Variants in NTNG1 observed in about 807,000 individuals in gnomAD.
The protein encoded by NTNG1 is netrin G1.
Under a neutral mutation model 54.0 loss-of-function variants are expected in NTNG1, and 16 were observed. The ratio of observed to expected loss-of-function variants is 0.30; its 90% CI spans 0.20 to 0.45. The LOEUF (loss-of-function observed/expected upper bound fraction) is 0.45, where lower values mean the gene tolerates loss of function less well. Among genes scored for constraint, NTNG1 ranks in the 20% least tolerant of loss-of-function variants. NTNG1 has a pLI of 1.00. For synonymous variants in NTNG1, 255 were observed against 263.1 expected, an observed-to-expected ratio of 0.97 and a Z score of 0.30; for missense variants, 530 against 678.7, an observed-to-expected ratio of 0.78 and a Z score of 2.43.
At chr1:107,261,724 T>C (rs938009887) in intron 2 of NTNG1, among the ~76,000 whole-genome samples, 1 of 152,130 alleles carries the variant, frequency 6.6e-6, no homozygotes, top group East Asian at 1.9e-4. Context: ...GTGCCTGTAG[T>C]CCCAGCTACT....
intron 2 of NTNG1, among the ~76,000 whole-genome samples, chr1:107,176,686 A>G (rs914504753): frequency 4.6e-5 from 7 of 152,170 alleles, no homozygotes; most frequent in African/African-American, 1.7e-4. Context: ...ATTTTTTACA[A>G]TCTGTATTTT....
intron 2 of NTNG1, among the ~76,000 whole-genome samples, chr1:107,270,487 G>T (rs1303698555): frequency 1.3e-5 from 2 of 152,120 alleles, no homozygotes; most frequent in Non-Finnish European, 2.9e-5. Flanking sequence ...GAATAATAAG[G>T]TTGTCATGAT....
At chr1:107,149,131 A>G (rs1654365661) in intron 2 of NTNG1, among the ~76,000 whole-genome samples, 1 of 152,184 alleles carries the variant, frequency 6.6e-6, no homozygotes, top group Non-Finnish European at 1.5e-5. Flanking sequence ...AGTTCGATTG[A>G]AAGTTAAATT....
At chr1:107,432,716 A>G (rs536438166) in intron 6 of NTNG1, among the ~76,000 whole-genome samples, 162 of 152,320 alleles carry the variant, frequency 1.1e-3, no homozygotes, top group African/African-American at 3.8e-3. Flanking sequence ...CCATTTTTAC[A>G]TAAGATTAAA....
chr1:107,238,261 T>G (rs755610747), intron 2 of NTNG1, among the ~76,000 whole-genome samples: 23 of 152,190 alleles, frequency 1.5e-4, no homozygotes, highest in Non-Finnish European at 2.4e-4. Context: ...AGCCCCTTTG[T>G]TTTGGCCAAT....
intron 2 of NTNG1, among the ~76,000 whole-genome samples, 183 bp from the exon 3 acceptor site, chr1:107,324,099 T>C (rs988400532): frequency 1.2e-4 from 18 of 151,918 alleles, no homozygotes; most frequent in Admixed American, 2.0e-4. Flanking sequence ...ACAAGAAAAT[T>C]ACCATATTGC....
chr1:107,369,852 T>C (rs1160175508), intron 3 of NTNG1, among the ~76,000 whole-genome samples: 1 of 152,098 alleles, frequency 6.6e-6, no homozygotes, highest in African/African-American at 2.4e-5. Flanking sequence ...CTTGTAAAAA[T>C]GTACAGTTTT....
intron 2 of NTNG1, among the ~76,000 whole-genome samples, chr1:107,276,304 T>G (rs560515838): frequency 1.3e-5 from 2 of 152,158 alleles, no homozygotes; most frequent in Non-Finnish European, 2.9e-5. Context: ...TATCTCTTCA[T>G]AGCAACATTG....
chr1:107,320,986 C>CA (rs2101868309), intron 2 of NTNG1, among the ~76,000 whole-genome samples: 1 of 152,226 alleles, frequency 6.6e-6, no homozygotes, highest in South Asian at 2.1e-4. Context: ...ACGAAACTGT[C>CA]ATTCTGATCA....
At chr1:107,366,006 A>C (rs1335613139) in intron 3 of NTNG1, among the ~76,000 whole-genome samples, 1 of 152,166 alleles carries the variant, frequency 6.6e-6, no homozygotes, top group East Asian at 1.9e-4. Flanking sequence ...CAGTAAGCTG[A>C]TGACAGATAA....
At chr1:107,443,170 A>G (rs1242937833) in intron 7 of NTNG1, among the ~76,000 whole-genome samples, 1 of 152,014 alleles carries the variant, frequency 6.6e-6, no homozygotes, top group African/African-American at 2.4e-5. Context: ...GAAGTTGCCC[A>G]CCTCAGTTTA....
chr1:107,456,055 C>T (rs1676937375), intron 7 of NTNG1, among the ~76,000 whole-genome samples: 1 of 152,156 alleles, frequency 6.6e-6, no homozygotes, highest in Non-Finnish European at 1.5e-5. Flanking sequence ...GGTCATAACA[C>T]AGTGTCCTAT....
Position 107,281,143 on chromosome 1 carries a change from A to T in NTNG1, c.247-43139A>T, listed in dbSNP as rs542071546. ...ACTGCATTTCTGTTGACCTATCAACATTTCCATTTGTTTTCTCCCATAAAT... is the reference window on the plus strand; with the variant it reads ...ACTGCATTTCTGTTGACCTATCAACTTTTCCATTTGTTTTCTCCCATAAAT... On this transcript the variant is annotated intron_variant, in intron 2 of 7. Coordinates refer to ENST00000370068, the MANE Select transcript of NTNG1 (RefSeq NM_001113226.3). 7.2e-5 allele frequency among the ~76,000 whole-genome samples: 11 copies of T among 152,212 alleles called. No homozygotes were observed. In the South Asian group the frequency reaches 2.3e-3, roughly 32 times the overall value.
At chr1:107,276,953 T>C (rs1436757250) in intron 2 of NTNG1, among the ~76,000 whole-genome samples, 2 of 152,002 alleles carry the variant, frequency 1.3e-5, no homozygotes, top group African/African-American at 4.8e-5. Flanking sequence ...AGAGATTTAT[T>C]GGGGAGAACT....
intron 2 of NTNG1, among the ~76,000 whole-genome samples, chr1:107,233,613 C>T (rs1290465036): frequency 2.0e-5 from 3 of 152,098 alleles, no homozygotes; most frequent in East Asian, 1.9e-4. Context: ...GTGAGTTCCC[C>T]GCCGATCATG....
At chr1:107,347,610 T>G (rs1206827915) in intron 3 of NTNG1, among the ~76,000 whole-genome samples, 1 of 152,204 alleles carries the variant, frequency 6.6e-6, no homozygotes, top group Admixed American at 6.5e-5. Flanking sequence ...AGTACATACA[T>G]GGTAAGAATT....
rs140906563 is a variant in NTNG1, at chr1:107,313,404, A to C, written c.247-10878A>C. ...TTAACTTTTCAGTATGTTGAGTTTGAAATTCTTGTGGAGCAGTTAGATGAT... is the reference window on the plus strand; with the variant it reads ...TTAACTTTTCAGTATGTTGAGTTTGCAATTCTTGTGGAGCAGTTAGATGAT... On this transcript the variant is annotated intron_variant, in intron 2 of 7. Coordinates refer to ENST00000370068, the MANE Select transcript of NTNG1 (RefSeq NM_001113226.3). Among the ~76,000 whole-genome samples, 368 of 152,148 alleles carry C rather than the reference A, an allele frequency of 2.4e-3. 1 individual carries two copies. Among genetic ancestry groups the C allele is most frequent in the African/African-American group, 8.3e-3 (345 of 41,488 alleles).
At chr1:107,371,954 T>G (rs1316033083) in intron 3 of NTNG1, among the ~76,000 whole-genome samples, 1 of 152,006 alleles carries the variant, frequency 6.6e-6, no homozygotes, top group Non-Finnish European at 1.5e-5. Context: ...TTCCTATGAG[T>G]GTCCTGTCAG....
At chr1:107,329,524 A>G (rs946846342) in intron 3 of NTNG1, among the ~76,000 whole-genome samples, 2 of 152,212 alleles carry the variant, frequency 1.3e-5, no homozygotes, top group African/African-American at 4.8e-5. Flanking sequence ...GCAGTAGAGC[A>G]CTTTTTAAAT....
Sources: gnomAD v4.1 joint callset for allele counts (sites outside exome capture counted in the v4.1 genomes callset) on GRCh38, gnomAD v4.1.1 for gene constraint, MANE v1.5 for transcripts, NCBI Gene and HGNC (gene_info 2026-07-23, HGNC 2026-07-21) for gene names.